PNLIPRP3: variants seen among roughly 807,000 people sequenced by gnomAD.
PNLIPRP3 encodes pancreatic lipase related protein 3.
A neutral mutation model predicts 52.8 loss-of-function variants in PNLIPRP3; 58 were observed. The ratio of observed to expected loss-of-function variants is 1.10; its 90% CI spans 0.89 to 1.37. PNLIPRP3 has a LOEUF of 1.37. Ranked by LOEUF, PNLIPRP3 falls within the 40% of genes most tolerant of loss-of-function variation. PNLIPRP3 has a pLI of 0.00. For synonymous variants in PNLIPRP3, 192 were observed against 185.0 expected (o/e 1.04, Z -0.31); for missense variants, 593 against 561.6 (o/e 1.06, Z -0.57).
At chr10:116,470,514 ATTT>A (rs34751726) in intron 9 of PNLIPRP3, among the ~76,000 whole-genome samples, 1 of 142,462 alleles carries the variant, frequency 7.0e-6, no homozygotes, top group Non-Finnish European at 1.5e-5. Context: ...TATATATATA[ATTT>A]TTTTTTTTTT....
At chr10:116,475,184 C>G (rs559398516) in intron 10 of PNLIPRP3, among the ~76,000 whole-genome samples, 15 of 152,222 alleles carry the variant, frequency 9.9e-5, no homozygotes, top group Admixed American at 2.0e-4. Context: ...AATGCAGGAA[C>G]AGGAAACCAA....
In PNLIPRP3 at chr10:116,427,978, AGAAGATTTTT is replaced by A. The variant is rs760120594; in HGVS notation, c.-34_-25del. On this transcript the variant is annotated 5_prime_UTR_variant, in exon 1 of 12. Transcript: ENST00000369230. ...GTGACTTTACAAGTAAAGATCTTCA[AGAAGATTTTT>A]ATGTGATTTAAAAAATCAGCTTAGA... The A allele has an allele frequency of 2.6e-6, 4 of 1,550,204 alleles. No individual in the cohort carries two copies. The Admixed American group carries it at 6.8e-5, about 26-fold the overall frequency.
intron 2 of PNLIPRP3, chr10:116,439,612 C>G (rs1845828556): frequency 1.3e-6 from 1 of 774,068 alleles, no homozygotes; most frequent in Non-Finnish European, 2.3e-6. Context: ...AGCTTTGCCA[C>G]CTTAGTGATG....
At chr10:116,462,227 C>T (rs1009731412) in intron 7 of PNLIPRP3, among the ~76,000 whole-genome samples, 12 of 151,636 alleles carry the variant, frequency 7.9e-5, no homozygotes, top group African/African-American at 2.9e-4. Flanking sequence ...TTAAAAGGCA[C>T]CGAAAGGTTA....
intron 1 of PNLIPRP3, among the ~76,000 whole-genome samples, chr10:116,434,457 A>G (rs947295668): frequency 1.3e-5 from 2 of 152,192 alleles, no homozygotes; most frequent in African/African-American, 2.4e-5. Context: ...TTTATAGCAA[A>G]CATTATTTTT....
At chr10:116,440,062 G>A (rs565246740) in intron 2 of PNLIPRP3, 18 of 710,530 alleles carry the variant, frequency 2.5e-5, no homozygotes, top group South Asian at 9.1e-5. Context: ...TGTATTGTTC[G>A]CTAGTAGATC....
chr10:116,432,663 A>G (rs1294762732), intron 1 of PNLIPRP3, among the ~76,000 whole-genome samples: 1 of 152,246 alleles, frequency 6.6e-6, no homozygotes, highest in Admixed American at 6.5e-5. Flanking sequence ...GGATGAAGTT[A>G]AAATGACTAG....
intron 9 of PNLIPRP3, among the ~76,000 whole-genome samples, chr10:116,471,024 C>A (rs1036200677): frequency 6.6e-6 from 1 of 152,166 alleles, no homozygotes; most frequent in Non-Finnish European, 1.5e-5. Context: ...AAAGAAAATT[C>A]TTTGGCAATG....
chr10:116,434,730 A>G (rs1589974666), intron 1 of PNLIPRP3, among the ~76,000 whole-genome samples: 1 of 152,322 alleles, frequency 6.6e-6, no homozygotes, highest in East Asian at 1.9e-4. Flanking sequence ...GAATGCAAAA[A>G]ATAAGGGCAA....
At position 116,460,932 on chromosome 10, in the gene PNLIPRP3, T is replaced by C. The variant is rs568559076; in HGVS notation, c.566-34T>C. 256 of 1,608,146 alleles carry C rather than the reference T, an allele frequency of 1.6e-4. 1 individual carries two copies. In the South Asian group the frequency reaches 2.6e-3, roughly 16 times the overall value. On this transcript the variant is annotated intron_variant, in intron 5 of 11. Transcript: ENST00000369230. ...AGTAACAACAATATTAATGTGCACT[T>C]CCATAGAACATGTCTTGGTTGTGCT...
intron 1 of PNLIPRP3, among the ~76,000 whole-genome samples, chr10:116,431,092 CCAAT>C (rs1365101665): frequency 3.9e-5 from 6 of 152,196 alleles, no homozygotes; most frequent in African/African-American, 1.4e-4. Context: ...TACCTCACTG[CCAAT>C]CAGTCAGCAC....
chr10:116,429,758 T>A (rs1211049523), intron 1 of PNLIPRP3, among the ~76,000 whole-genome samples: 1 of 152,170 alleles, frequency 6.6e-6, no homozygotes, highest in Non-Finnish European at 1.5e-5. Context: ...TCTGCTGAGA[T>A]GATATTTAAA....
At chr10:116,435,349 T>G (rs11197680) in intron 1 of PNLIPRP3, among the ~76,000 whole-genome samples, 3,429 of 151,936 alleles carry the variant, frequency 0.023, 142 homozygotes, top group African/African-American at 0.079. Flanking sequence ...AATCTTCCTC[T>G]TAGGAAACTG....
intron 2 of PNLIPRP3, chr10:116,439,894 A>G (rs1311452414): frequency 8.7e-6 from 7 of 806,640 alleles, no homozygotes; most frequent in Admixed American, 1.7e-5. Context: ...CCCGGACATT[A>G]TCTTCCACCT....
At chr10:116,466,020 C>A in intron 7 of PNLIPRP3, 30 bp from the exon 8 acceptor site, 1 of 1,446,606 alleles carries the variant, frequency 6.9e-7, no homozygotes, top group Non-Finnish European at 9.7e-7. Flanking sequence ...CAGTTAATTG[C>A]TATCAGTTAA....
chr10:116,436,862 T>C lies in PNLIPRP3; in HGVS notation c.201T>C (p.Tyr67=). The C allele has an allele frequency of 1.3e-6, 2 of 1,582,942 alleles. No individual in the cohort carries two copies. The highest frequency in any genetic ancestry group is 1.8e-5 in the Admixed American group (1 of 56,398). Residue 67 remains tyrosine, a synonymous_variant, in exon 2 of 12, where the codon TAT becomes TAC. Transcript: ENST00000369230. The part of the protein sequence containing the change: ...LLYTIHNPNA[Y]QEISAVNSST... ...ACACTATACACAATCCCAATGCCTA[T>C]CAGGTAAGCTAACTTGCAGCCTTCA...
chr10:116,476,630 C>A (rs553343087), intron 10 of PNLIPRP3, 22 bp from the exon 11 acceptor site: 14 of 1,538,294 alleles, frequency 9.1e-6, no homozygotes, highest in Admixed American at 4.3e-5. Flanking sequence ...TGCAAACTTA[C>A]GAGTCTTATT....
chr10:116,469,825 G>A (rs1393545927), intron 9 of PNLIPRP3, among the ~76,000 whole-genome samples: 1 of 152,172 alleles, frequency 6.6e-6, no homozygotes, highest in Non-Finnish European at 1.5e-5. Flanking sequence ...GGCTTTGTCT[G>A]TGGGTGAATG....
intron 8 of PNLIPRP3, 126 bp from the exon 9 acceptor site, chr10:116,469,059 C>T (rs533689060): frequency 3.0e-6 from 3 of 1,007,720 alleles, no homozygotes; most frequent in East Asian, 3.1e-5. Flanking sequence ...CTGTTAGGCA[C>T]TTTTAAAATG....
Sources: allele counts gnomAD v4.1 joint callset (sites outside exome capture counted in the v4.1 genomes callset), GRCh38; gene constraint gnomAD v4.1.1; transcripts MANE v1.5; gene names NCBI Gene and HGNC (gene_info 2026-07-23, HGNC 2026-07-21).